The following SPIRE2 variants were observed in gnomAD, a reference collection of about 807,000 sequenced individuals.
The protein encoded by SPIRE2 is spire type actin nucleation factor 2, also known as protein spire homolog 2.
Under a neutral mutation model 80.7 loss-of-function variants are expected in SPIRE2, and 76 were observed. That is an observed-to-expected ratio of 0.94 (90% confidence interval 0.78 to 1.14). The LOEUF (loss-of-function observed/expected upper bound fraction) is 1.14. SPIRE2 is among the 50% of genes most tolerant of loss of function. The pLI is 0.00. For synonymous variants in SPIRE2, 535 were observed against 432.6 expected, an observed-to-expected ratio of 1.24 and a Z score of -2.94; for missense variants, 1,196 against 1,015.3, an observed-to-expected ratio of 1.18 and a Z score of -2.42.
Position 89,870,256 on chromosome 16 carries a change from C to T in SPIRE2, c.2129C>T (p.Thr710Ile), listed in dbSNP as rs756031641. ...TQSLYIPNTRTLDFK is the reference protein window; with the variant it reads ...TQSLYIPNTRILDFK ...TCCCTCTACATCCCTAACACCAGGA[C>T]TCTTGACTTCAAGTGACAGCCCCAG... Residue 710 changes from threonine (T) to isoleucine (I), a missense_variant, in exon 15 of 15, where the codon ACT (threonine) becomes ATT (isoleucine). Transcript: ENST00000378247. 17 of 1,596,162 alleles carry T rather than the reference C, an allele frequency of 1.1e-5. No homozygotes were observed. Among genetic ancestry groups the T allele is most frequent in the Non-Finnish European group, 1.5e-5 (17 of 1,171,322 alleles).
chr16:89,840,148 C>T (rs1369578999), intron 1 of SPIRE2, among the ~76,000 whole-genome samples: 2 of 152,132 alleles, frequency 1.3e-5, no homozygotes, highest in African/African-American at 4.8e-5. Context: ...CCACCCACCT[C>T]CCTGCAGTGT....
chr16:89,828,617 T>C lies in SPIRE2; in HGVS notation c.67T>C (p.Ser23Pro). 1.5e-6 allele frequency: 2 copies of C among 1,314,584 alleles called. No individual in the cohort carries two copies. The highest frequency in any genetic ancestry group is 2.0e-6 in the Non-Finnish European group (2 of 1,020,782). The allele number at this position is 1,314,584 out of a possible 1,614,324, so 81.4% of individuals were successfully genotyped here. Residue 23 changes from serine (S) to proline (P), a missense_variant, in exon 1 of 15, where the codon TCC becomes CCC. Transcript: ENST00000378247. The surrounding 1 kb of genome is among the most constrained non-coding windows in gnomAD (Gnocchi z 5.9). ...AGGGCGGCCGGAGCCCTGGGAGCTG[T>C]CCCTGGAGGAGGTGCTGAAGGCCTA... The part of the protein sequence containing the change: ...GAGRPEPWEL[S>P]LEEVLKAYEQ...
chr16:89,846,275 A>T (rs1237768484), intron 2 of SPIRE2: 2 of 149,376 alleles, frequency 1.3e-5, no homozygotes, highest in African/African-American at 2.5e-5. Flanking sequence ...CCATCCTCCC[A>T]CTTGGCCTCC....
At chr16:89,833,010 A>G (rs1555588067) in intron 1 of SPIRE2, among the ~76,000 whole-genome samples, 1 of 108,378 alleles carries the variant, frequency 9.2e-6, no homozygotes, top group African/African-American at 3.8e-5. Flanking sequence ...TTTTTTTGTG[A>G]GACAGAGTTT....
intron 7 of SPIRE2, among the ~76,000 whole-genome samples, chr16:89,856,776 G>A (rs1345119240): frequency 6.6e-6 from 1 of 151,924 alleles, no homozygotes; most frequent in African/African-American, 2.4e-5. Flanking sequence ...AAAAAATGAT[G>A]AGGCTGGGCT....
At position 89,869,938 on chromosome 16, in the gene SPIRE2, G is replaced by T. The variant is rs2041824748; in HGVS notation, c.1923-112G>T. On this transcript the variant is annotated intron_variant, in intron 14 of 14. Transcript: ENST00000378247. ...TGTGTTTGTTGCCTGAGGGCCAAGG[G>T]GAGGCCTAGGGTGAAAGGCAGCCAG... 2.3e-5 allele frequency: 21 copies of T among 913,382 alleles called. 1 individual carries two copies. The South Asian group carries it at 2.8e-4, about 12-fold the overall frequency. 56.6% of individuals were successfully genotyped at this position (913,382 alleles called of 1,614,324 possible).
At chr16:89,833,230 C>T (rs1290878402) in intron 1 of SPIRE2, among the ~76,000 whole-genome samples, 1 of 151,824 alleles carries the variant, frequency 6.6e-6, no homozygotes, top group Non-Finnish European at 1.5e-5. Flanking sequence ...CTCAGGTGAT[C>T]CGCCTGCCTT....
chr16:89,853,013 A>C (rs907915050), intron 3 of SPIRE2, among the ~76,000 whole-genome samples: 23 of 93,112 alleles, frequency 2.5e-4, no homozygotes, highest in South Asian at 3.9e-4. Context: ...TCTCACCCTC[A>C]AGATCCCATG....
At chr16:89,845,921 GAGTCGC>G (rs1410762946) in intron 2 of SPIRE2, 3 of 429,434 alleles carry the variant, frequency 7.0e-6, no homozygotes, top group African/African-American at 6.2e-5. Flanking sequence ...TTTTGAGATG[GAGTCGC>G]GCTCTGTCGC....
intron 2 of SPIRE2, among the ~76,000 whole-genome samples, chr16:89,848,408 C>T (rs2041584826): frequency 6.6e-6 from 1 of 152,278 alleles, no homozygotes; most frequent in South Asian, 2.1e-4. Context: ...TACTTCCCAC[C>T]AGTGCCCTTG....
chr16:89,868,289 T>C, intron 13 of SPIRE2, 73 bp downstream of exon 13: 1 of 1,470,930 alleles, frequency 6.8e-7, no homozygotes, highest in South Asian at 1.1e-5. Flanking sequence ...ATTGGATGTG[T>C]TGGATGATGC....
chr16:89,850,155 G>A, intron 2 of SPIRE2, 149 bp from the exon 3 acceptor site: 4 of 746,448 alleles, frequency 5.4e-6, no homozygotes, highest in East Asian at 2.7e-5. Flanking sequence ...CTTTTCATCC[G>A]GTCCATGTCT....
intron 2 of SPIRE2, chr16:89,845,633 G>C: frequency 1.4e-6 from 1 of 701,808 alleles, no homozygotes; most frequent in Non-Finnish European, 2.6e-6. Context: ...CAGCTGCACA[G>C]ATGAGGGGCA....
intron 12 of SPIRE2, among the ~76,000 whole-genome samples, chr16:89,865,427 T>C (rs1210507458): frequency 6.6e-6 from 1 of 152,098 alleles, no homozygotes; most frequent in African/African-American, 2.4e-5. Flanking sequence ...TAAAGATGTA[T>C]ACCATAAGTC....
intron 1 of SPIRE2, among the ~76,000 whole-genome samples, chr16:89,832,992 CTT>C (rs869195252): frequency 2.1e-4 from 4 of 18,856 alleles, no homozygotes; most frequent in African/African-American, 5.1e-4. Flanking sequence ...CAGCTGATTT[CTT>C]TTTTTTTTTT....
At chr16:89,854,177 C>A in intron 3 of SPIRE2, 109 bp from the exon 4 acceptor site, 2 of 1,003,194 alleles carry the variant, frequency 2.0e-6, no homozygotes, top group Non-Finnish European at 1.5e-6. Flanking sequence ...TCTTTTCCGG[C>A]TGGTCGAGTG....
chr16:89,842,155 A>G (rs984810976), intron 1 of SPIRE2, among the ~76,000 whole-genome samples: 1 of 151,278 alleles, frequency 6.6e-6, no homozygotes, highest in African/African-American at 2.4e-5. Context: ...CTCAGAACCC[A>G]GAGACACCCC....
rs572778081 is a variant in SPIRE2, at chr16:89,871,309, G to T, written c.*1037G>T. 1 of 152,258 alleles carries T rather than the reference G, an allele frequency of 6.6e-6. No individual in the cohort carries two copies. The highest frequency in any genetic ancestry group is 1.5e-5 in the Non-Finnish European group (1 of 68,078). The allele number at this position is 152,258 out of a possible 1,614,324, so 9.4% of individuals were successfully genotyped here. A position where few individuals can be genotyped will look rare whatever the true frequency, so the allele number is the denominator to read the frequency against. ...GGCCACTCTTGGCCTAATAAAGGAG[G>T]TCTCACAGTCTTCTGTCTGGGATGT... is the stretch of plus-strand genomic sequence containing the variant. On this transcript the variant is annotated 3_prime_UTR_variant, in exon 15 of 15. Coordinates refer to ENST00000378247, the MANE Select transcript of SPIRE2 (RefSeq NM_032451.2).
intron 1 of SPIRE2, among the ~76,000 whole-genome samples, chr16:89,835,888 G>C (rs2041444154): frequency 6.6e-6 from 1 of 152,052 alleles, no homozygotes; most frequent in African/African-American, 2.4e-5. Flanking sequence ...TAAAAGGAGT[G>C]TATGGGCCAG....
Sources: gnomAD v4.1 joint callset for allele counts (sites outside exome capture counted in the v4.1 genomes callset) on GRCh38, gnomAD v4.1.1 for gene constraint, Gnocchi (gnomAD v3.1) non-coding constraint, MANE v1.5 for transcripts, NCBI Gene and HGNC (gene_info 2026-07-23, HGNC 2026-07-21) for gene names.